The following APOM variants were observed in gnomAD, a reference collection of about 807,000 sequenced individuals.
The protein encoded by APOM is apolipoprotein M.
A neutral mutation model predicts 23.5 loss-of-function variants in APOM; 24 were observed. That is an observed-to-expected ratio of 1.02 (90% confidence interval 0.74 to 1.44). APOM has a LOEUF of 1.44. APOM is among the 40% of genes most tolerant of loss of function. The pLI, the probability that APOM is intolerant of heterozygous loss-of-function variation, is 0.00. For synonymous variants in APOM, 82 were observed against 84.1 expected (o/e 0.97, Z 0.14); for missense variants, 200 against 233.2 (o/e 0.86, Z 0.93).
chr6:31,655,910 C>A lies in APOM; in HGVS notation c.-57C>A. ...GCTGAAAGCAGAGTGGACTGAGCAGCCAGTAGGGGAGAGAGCAGTTAAGGC... is the reference window on the plus strand; with the variant it reads ...GCTGAAAGCAGAGTGGACTGAGCAGACAGTAGGGGAGAGAGCAGTTAAGGC... On this transcript the variant is annotated 5_prime_UTR_variant, in exon 1 of 6. Coordinates refer to ENST00000375916, the MANE Select transcript of APOM (RefSeq NM_019101.3). 1 of 1,203,300 alleles carries A rather than the reference C, an allele frequency of 8.3e-7. No individual in the cohort carries two copies. The highest frequency in any genetic ancestry group is 1.2e-6 in the Non-Finnish European group (1 of 831,924). 74.5% of individuals were successfully genotyped at this position (1,203,300 alleles called of 1,614,324 possible).
rs769227176 is a variant in APOM, at chr6:31,657,423, A to G, written c.387A>G (p.Pro129=). The G allele has an allele frequency of 1.2e-6, 2 of 1,613,028 alleles. No individual in the cohort carries two copies. Among genetic ancestry groups the G allele is most frequent in the South Asian group, 1.1e-5 (1 of 91,078 alleles). Residue 129 remains proline, a synonymous_variant, in exon 4 of 6, where the codon CCA becomes CCG. Transcript: ENST00000375916. ...MKTELFSSSC[P]GGIMLNETGQ... is the part of the protein sequence containing the mutation. ...CTGAGCTCTTTTCCAGCTCATGCCC[A>G]GGTGGAATCATGCTGAATGAGACAG...
intron 1 of APOM, 43 bp downstream of exon 1, chr6:31,656,123 G>C (rs1800022041): frequency 1.3e-6 from 2 of 1,482,522 alleles, no homozygotes; most frequent in South Asian, 2.4e-5. Flanking sequence ...GAGGCTCTGA[G>C]GGACTTGGGT....
Position 31,657,450 on chromosome 6 carries a change from C to T in APOM, c.414C>T (p.Gly138=). 6.2e-7 allele frequency: 1 copy of T among 1,612,818 alleles called. No homozygotes were observed. ...GTGGAATCATGCTGAATGAGACAGG[C>T]CAGGGTTACCAGCGCTTTCTCCTCT... ...CPGGIMLNET[G]QGYQRFLLYN... is the part of the protein sequence containing the mutation. The change falls in exon 4 of 6, where the codon GGC becomes GGT. Residue 138 remains glycine (G), a synonymous_variant. Coordinates refer to ENST00000375916, the MANE Select transcript of APOM (RefSeq NM_019101.3).
In APOM at chr6:31,656,574, A is replaced by G. The variant is rs749061469; in HGVS notation, c.217A>G (p.Met73Val). 3.7e-6 allele frequency: 6 copies of G among 1,614,130 alleles called. No homozygotes were observed. Among genetic ancestry groups the G allele is most frequent in the East Asian group, 2.2e-5 (1 of 44,892 alleles). ...FDPVDNIVFN[M>V]AAGSAPMQLH... is the part of the protein sequence containing the mutation. ...CCCTGTGGACAACATTGTCTTCAAT[A>G]TGGCTGCTGGCTCTGCCCCGATGCA... The change falls in exon 2 of 6, where the codon ATG becomes GTG. Residue 73 changes from methionine to valine, a missense_variant. Physicochemically the swap from Met to Val is conservative, Grantham distance 21. Transcript: ENST00000375916.
At chr6:31,652,867 A>AT (rs1798868203), upstream of APOM, among the ~76,000 whole-genome samples, 1 of 152,196 alleles carries the variant, frequency 6.6e-6, no homozygotes, top group Non-Finnish European at 1.5e-5. Flanking sequence ...GAGATGGGGG[A>AT]TTATGCCACA....
Position 31,658,122 on chromosome 6 carries a change from C to A in APOM, c.*33C>A, listed in dbSNP as rs370445372. ...CTTCATCTAAGTCCCCAGATGGGTA[C>A]AATGGGAGCTGAGTTGTTGGAGGGA... is the stretch of plus-strand genomic sequence containing the variant. On this transcript the variant is annotated 3_prime_UTR_variant, in exon 6 of 6. Coordinates refer to ENST00000375916, the MANE Select transcript of APOM (RefSeq NM_019101.3). 1.3e-5 allele frequency: 21 copies of A among 1,611,836 alleles called. No homozygotes were observed. The highest frequency in any genetic ancestry group is 1.3e-5 in the African/African-American group (1 of 74,834).
chr6:31,657,175 T>C lies in APOM; in HGVS notation c.270-50T>C, dbSNP rs775990589. ...AAAAAAAAAAGAAGCTGGGACACTA[T>C]GGTTGGGGTGATGCTCATTCTTTCC... On this transcript the variant is annotated intron_variant, in intron 2 of 5. Coordinates refer to ENST00000375916, the MANE Select transcript of APOM (RefSeq NM_019101.3). 9 of 1,541,110 alleles carry C rather than the reference T, an allele frequency of 5.8e-6. No homozygotes were observed. In the South Asian group the frequency reaches 6.7e-5, roughly 11 times the overall value.
In APOM at chr6:31,657,398, CTG is replaced by C; in HGVS notation, c.363_364del (p.Glu122AlafsTer14). On this transcript the variant is annotated frameshift_variant, in exon 4 of 6. Coordinates refer to ENST00000375916, the MANE Select transcript of APOM (RefSeq NM_019101.3). LOFTEE classifies it high-confidence loss of function. ...TTGACAGGCCGCCCTGACATGAAGA[CTG>C]AGCTCTTTTCCAGCTCATGCCCAGG... is the stretch of plus-strand genomic sequence containing the variant. 6.2e-7 allele frequency: 1 copy of C among 1,613,090 alleles called. No homozygotes were observed.
chr6:31,655,418 G>A (rs1480387223), upstream of APOM: 1 of 152,442 alleles, frequency 6.6e-6, no homozygotes, highest in Non-Finnish European at 1.5e-5. Context: ...CCCAGCACCT[G>A]CATCATACCT....
intron 4 of APOM, 25 bp downstream of exon 4, chr6:31,657,503 G>A (rs1562004720): frequency 2.5e-6 from 4 of 1,611,288 alleles, no homozygotes; most frequent in Non-Finnish European, 3.4e-6. Flanking sequence ...AAGGCAGGAA[G>A]GGTTGGAGGG....
chr6:31,656,721 C>CT (rs933829549), intron 2 of APOM, 95 bp downstream of exon 2: 1 of 1,466,702 alleles, frequency 6.8e-7, no homozygotes, highest in African/African-American at 1.4e-5. Context: ...GCTGGTATAT[C>CT]TACTATGCTT....
chr6:31,656,382 C>A, intron 1 of APOM, 90 bp from the exon 2 acceptor site: 1 of 1,369,762 alleles, frequency 7.3e-7, no homozygotes, highest in Non-Finnish European at 1.0e-6. Context: ...ACACCTCTAC[C>A]CCTAAATCTT....
In APOM at chr6:31,656,531, G is replaced by A; in HGVS notation, c.174G>A (p.Glu58=). 2 of 1,614,174 alleles carry A rather than the reference G, an allele frequency of 1.2e-6. No individual in the cohort carries two copies. Among genetic ancestry groups the A allele is most frequent in the Non-Finnish European group, 1.7e-6 (2 of 1,180,030 alleles). Residue 58 remains glutamate (E), a synonymous_variant, in exon 2 of 6, where the codon GAG becomes GAA. Coordinates refer to ENST00000375916, the MANE Select transcript of APOM (RefSeq NM_019101.3). The part of the protein sequence containing the change: ...YFIAGAAPTK[E]ELATFDPVDN... The stretch of plus-strand genomic sequence containing the variant: ...TCGCAGGGGCAGCTCCCACCAAGGA[G>A]GAGTTGGCAACTTTTGACCCTGTGG...
chr6:31,656,851 T>A (rs745782840), intron 2 of APOM, among the ~76,000 whole-genome samples: 1 of 152,058 alleles, frequency 6.6e-6, no homozygotes, highest in South Asian at 2.1e-4. Context: ...ATGGAGTAAA[T>A]AGAAGCCGGG....
upstream of APOM, among the ~76,000 whole-genome samples, chr6:31,653,085 GT>G (rs1011678150): frequency 1.3e-5 from 2 of 152,154 alleles, no homozygotes; most frequent in African/African-American, 4.8e-5. Context: ...CCGGGTGGGC[GT>G]TTTAAGGGCT....
intron 4 of APOM, 52 bp downstream of exon 4, chr6:31,657,530 G>C: frequency 1.2e-6 from 2 of 1,604,874 alleles, no homozygotes; most frequent in Non-Finnish European, 1.7e-6. Flanking sequence ...GGGAGGGCAG[G>C]AGAACTCCTC....
At chr6:31,654,922 A>C (rs1799872844), upstream of APOM, among the ~76,000 whole-genome samples, 1 of 152,332 alleles carries the variant, frequency 6.6e-6, no homozygotes, top group Admixed American at 6.5e-5. Flanking sequence ...AGATGAAAAA[A>C]CAGACATAGC....
intron 4 of APOM, 44 bp from the exon 5 acceptor site, chr6:31,657,581 C>T (rs1283929408): frequency 1.9e-6 from 3 of 1,598,908 alleles, no homozygotes; most frequent in African/African-American, 2.7e-5. Context: ...GAGCTAGGTG[C>T]TTCCAGGGGT....
chr6:31,655,017 T>C (rs905527326), upstream of APOM, among the ~76,000 whole-genome samples: 4 of 152,192 alleles, frequency 2.6e-5, no homozygotes, highest in East Asian at 1.9e-4. Flanking sequence ...TCAGGGCTCA[T>C]TGCAGCCTCG....
Sources: allele counts gnomAD v4.1 joint callset (sites outside exome capture counted in the v4.1 genomes callset), GRCh38; gene constraint gnomAD v4.1.1; transcripts MANE v1.5; gene names NCBI Gene and HGNC (gene_info 2026-07-23, HGNC 2026-07-21).